RARB: variants seen among roughly 807,000 people sequenced by gnomAD.
RARB encodes HBV-activated protein.
In RARB, 17 loss-of-function variants were observed where a neutral mutation model predicts 51.9. That is an observed-to-expected ratio of 0.33 (90% CI 0.22 to 0.49). The LOEUF is 0.49. Ranked by LOEUF, RARB falls within the 20% of genes least tolerant of loss-of-function variation. RARB has a pLI of 0.99. For synonymous variants in RARB, 215 were observed against 195.4 expected, an observed-to-expected ratio of 1.10 and a Z score of -0.84; for missense variants, 369 against 550.8, an observed-to-expected ratio of 0.67 and a Z score of 3.30.
intron 3 of RARB, among the ~76,000 whole-genome samples, chr3:25,112,063 T>C (rs4858707): frequency 0.79 from 120,891 of 152,110 alleles, 48,586 homozygotes; most frequent in Admixed American, 0.87. Context: ...ACCCCACAGA[T>C]AGTAGGCAGC....
intron 3 of RARB, among the ~76,000 whole-genome samples, chr3:25,100,932 C>A (rs965553516): frequency 3.3e-5 from 5 of 152,290 alleles, no homozygotes; most frequent in African/African-American, 1.2e-4. Flanking sequence ...TGGCTCTTAG[C>A]CCTACACTCG....
chr3:24,941,332 A>G (rs1695661704), intron 2 of RARB, among the ~76,000 whole-genome samples: 1 of 151,870 alleles, frequency 6.6e-6, no homozygotes, highest in Admixed American at 6.6e-5. Context: ...CTTAAATGAT[A>G]TTTTAATGCA....
chr3:25,034,680 G>T (rs1697946861), intron 2 of RARB, among the ~76,000 whole-genome samples: 1 of 152,006 alleles, frequency 6.6e-6, no homozygotes, highest in Non-Finnish European at 1.5e-5. Flanking sequence ...TCCTCCTTGT[G>T]ACACTCTTTG....
intron 3 of RARB, among the ~76,000 whole-genome samples, chr3:25,079,091 G>T (rs1038680221): frequency 7.9e-5 from 12 of 151,478 alleles, no homozygotes; most frequent in Admixed American, 5.3e-4. Context: ...AGTTTTCAGT[G>T]TTGACGCTTA....
chr3:24,933,235 C>T (rs1695478557), intron 2 of RARB, among the ~76,000 whole-genome samples: 1 of 151,944 alleles, frequency 6.6e-6, no homozygotes, highest in East Asian at 1.9e-4. Context: ...AAATGAGAAT[C>T]ATTGGTTTTC....
chr3:24,986,901 T>G (rs1254678940), intron 2 of RARB, among the ~76,000 whole-genome samples: 1 of 152,132 alleles, frequency 6.6e-6, no homozygotes, highest in Admixed American at 6.5e-5. Flanking sequence ...GTGCTATGCT[T>G]CAGCTGGGCC....
intron 1 of RARB, among the ~76,000 whole-genome samples, chr3:24,832,117 A>T (rs185443040): frequency 1.3e-5 from 2 of 152,338 alleles, no homozygotes; most frequent in East Asian, 3.9e-4. Context: ...CTCATATGAT[A>T]AAGGGAAAAA....
chr3:25,173,647 T>TA (rs1476063331), intron 4 of RARB, among the ~76,000 whole-genome samples: 1 of 152,094 alleles, frequency 6.6e-6, no homozygotes, highest in Non-Finnish European at 1.5e-5. Context: ...ATAGTTTCCC[T>TA]AAAAAAGCAA....
chr3:25,302,474 G>A (rs985585667), intron 5 of RARB, among the ~76,000 whole-genome samples: 1 of 152,174 alleles, frequency 6.6e-6, no homozygotes, highest in Non-Finnish European at 1.5e-5. Context: ...GATAAACCCT[G>A]AATACATTAT....
At chr3:25,182,464 C>T (rs1700881613) in intron 5 of RARB, among the ~76,000 whole-genome samples, 1 of 152,076 alleles carries the variant, frequency 6.6e-6, no homozygotes, top group African/African-American at 2.4e-5. Flanking sequence ...TAGTACTTGC[C>T]TTCATTTCTT....
intron 3 of RARB, among the ~76,000 whole-genome samples, chr3:25,554,182 C>G (rs1454219301): frequency 6.7e-6 from 1 of 149,440 alleles, no homozygotes; most frequent in African/African-American, 2.5e-5. Flanking sequence ...CAGGGGAACT[C>G]ACTGCTGTGC....
intron 5 of RARB, among the ~76,000 whole-genome samples, chr3:25,401,655 A>G (rs2125494719): frequency 6.6e-6 from 1 of 152,378 alleles, no homozygotes; most frequent in East Asian, 1.9e-4. Context: ...AGCAGATTGG[A>G]CACCACAGAA....
At chr3:25,288,394 T>A (rs1019692213) in intron 5 of RARB, among the ~76,000 whole-genome samples, 1 of 152,176 alleles carries the variant, frequency 6.6e-6, no homozygotes, top group African/African-American at 2.4e-5. Flanking sequence ...GTAGTGAGAA[T>A]TACTGTAAGA....
chr3:25,079,922 A>T (rs1324578816), intron 3 of RARB, among the ~76,000 whole-genome samples: 3 of 152,172 alleles, frequency 2.0e-5, no homozygotes, highest in Non-Finnish European at 4.4e-5. Flanking sequence ...TTTCTGAAAG[A>T]GTGTGTATAA....
At chr3:25,197,085 G>A (rs959228830) in intron 5 of RARB, among the ~76,000 whole-genome samples, 1 of 152,078 alleles carries the variant, frequency 6.6e-6, no homozygotes, top group African/African-American at 2.4e-5. Flanking sequence ...GATGCCATTT[G>A]TCTGTTTTGG....
At chr3:25,311,209 C>T (rs1188056915) in intron 5 of RARB, among the ~76,000 whole-genome samples, 1 of 152,202 alleles carries the variant, frequency 6.6e-6, no homozygotes, top group Admixed American at 6.5e-5. Flanking sequence ...ACAGGACAAC[C>T]ACCTCAAGGA....
intron 1 of RARB, among the ~76,000 whole-genome samples, chr3:25,457,602 C>T (rs907108140): frequency 2.0e-5 from 3 of 152,128 alleles, no homozygotes; most frequent in South Asian, 2.1e-4. Flanking sequence ...CTTTAATGTC[C>T]AGTAGACTTC....
chr3:25,010,468 T>C (rs1369176235), intron 2 of RARB, among the ~76,000 whole-genome samples: 4 of 152,180 alleles, frequency 2.6e-5, no homozygotes, highest in African/African-American at 9.6e-5. Flanking sequence ...ATACTGACTT[T>C]AGTTATATAA....
chr3:25,119,243 A>C (rs1575168954), intron 3 of RARB, among the ~76,000 whole-genome samples: 1 of 152,128 alleles, frequency 6.6e-6, no homozygotes, highest in South Asian at 2.1e-4. Flanking sequence ...GTTCTGTTCT[A>C]TGGTCATCTA....
Sources: gnomAD v4.1 joint callset for allele counts (sites outside exome capture counted in the v4.1 genomes callset) on GRCh38, gnomAD v4.1.1 for gene constraint, MANE v1.5 for transcripts, NCBI Gene and HGNC (gene_info 2026-07-23, HGNC 2026-07-21) for gene names.